CCNL1: variants seen among roughly 807,000 people sequenced by gnomAD.
The protein encoded by CCNL1 is cyclin L1.
CCNL1 carries 13 observed loss-of-function variants against 60.6 expected under a neutral mutation model. The observed-to-expected ratio is 0.21, with a 90% CI of 0.14 to 0.34. The LOEUF is 0.34. Among genes scored for constraint, CCNL1 ranks in the 10% least tolerant of loss-of-function variants. The pLI is 1.00. For synonymous variants in CCNL1, 270 were observed against 244.3 expected (o/e 1.10, Z -0.98); for missense variants, 481 against 664.3 (o/e 0.72, Z 3.03).
At chr3:157,145,164 C>T (rs768024737), downstream of CCNL1, among the ~76,000 whole-genome samples, 9 of 152,142 alleles carry the variant, frequency 5.9e-5, no homozygotes, top group South Asian at 4.1e-4. Flanking sequence ...TTGCCGGGCG[C>T]GGTGGCTCAT....
intron 8 of CCNL1, 51 bp downstream of exon 8, chr3:157,149,783 TAA>T: frequency 6.3e-7 from 1 of 1,585,048 alleles, no homozygotes; most frequent in South Asian, 1.2e-5. Context: ...AGCTCTCTAA[TAA>T]AGACACACTT....
At position 157,152,899 on chromosome 3, in the gene CCNL1, G is replaced by T. The variant is rs551377721; in HGVS notation, c.609+137C>A. The stretch of plus-strand genomic sequence containing the variant: ...CTCAACATCCAAAAGAATGTTTTTC[G>T]ATGAAGCCTGAACCTTTAAAAGAAT... On this transcript the variant is annotated intron_variant, in intron 4 of 10. Transcript: ENST00000295926. 22 of 1,425,746 alleles carry T rather than the reference G, an allele frequency of 1.5e-5. No homozygotes were observed. In the Admixed American group the frequency reaches 5.3e-4, roughly 35 times the overall value. 88.3% of individuals were successfully genotyped at this position (1,425,746 alleles called of 1,614,324 possible).
At chr3:157,144,179 C>T (rs1737717511), downstream of CCNL1, among the ~76,000 whole-genome samples, 1 of 152,142 alleles carries the variant, frequency 6.6e-6, no homozygotes, top group Non-Finnish European at 1.5e-5. Flanking sequence ...AGCAGTTTTG[C>T]ATGCCTTAAT....
rs548396334 is a variant in CCNL1 at position 157,148,658 on chromosome 3, A to G, written c.1233-69T>C. On this transcript the variant is annotated intron_variant, in intron 10 of 10. Transcript: ENST00000295926. The stretch of plus-strand genomic sequence containing the variant: ...GAACAGATTATTCCGGTGGTTGCTC[A>G]TAACAGGTTCAAAACAAAACTACCA... 1.1e-5 allele frequency: 16 copies of G among 1,404,154 alleles called. No homozygotes were observed. In the African/African-American group the frequency reaches 1.6e-4, roughly 14 times the overall value. 87.0% of individuals were successfully genotyped at this position (1,404,154 alleles called of 1,614,324 possible).
chr3:157,150,515 A>AT lies in CCNL1; in HGVS notation c.675-135dup, dbSNP rs1413534552. The AT allele has an allele frequency of 5.7e-6, 8 of 1,412,748 alleles. No individual in the cohort carries two copies. The East Asian group carries it at 2.0e-4, about 36-fold the overall frequency. The allele number at this position is 1,412,748 out of a possible 1,614,324, so 87.5% of individuals were successfully genotyped here. ...TATTCACATCCTCATATTCTAGCAT[A>AT]TAACAACTCTTAACTCAAAAAAATC... On this transcript the variant is annotated intron_variant, in intron 5 of 10. Coordinates refer to ENST00000295926, the MANE Select transcript of CCNL1 (RefSeq NM_020307.4).
downstream of CCNL1, among the ~76,000 whole-genome samples, chr3:157,145,240 C>A (rs368872891): frequency 5.3e-5 from 8 of 151,910 alleles, no homozygotes; most frequent in African/African-American, 1.9e-4. Context: ...TCGAGGCCAT[C>A]CTGGCTAACA....
In CCNL1 at chr3:157,149,970, T is replaced by C. The variant is rs1738047208; in HGVS notation, c.887A>G (p.Tyr296Cys). 3.7e-6 allele frequency: 6 copies of C among 1,604,612 alleles called. No homozygotes were observed. The highest frequency in any genetic ancestry group is 5.1e-6 in the Non-Finnish European group (6 of 1,178,026). ...LRLYTRKKPNYELLEKEVEKR... is the reference protein window; with the variant it reads ...LRLYTRKKPNCELLEKEVEKR... Reference sequence around the variant, plus strand: ...TTCTACTTCTTTTTCCAGTAATTCATAGTTTGGCTGTTGGAGGAAAAAAAA... The same window carrying C: ...TTCTACTTCTTTTTCCAGTAATTCACAGTTTGGCTGTTGGAGGAAAAAAAA... Residue 296 changes from tyrosine (Y) to cysteine (C), a missense_variant, in exon 8 of 11, where the codon TAT (tyrosine) becomes TGT (cysteine). By Grantham distance (194) the Tyr-to-Cys change is radical (BLOSUM62 -2). Transcript: ENST00000295926.
At position 157,159,299 on chromosome 3, in the gene CCNL1, C is replaced by G. The variant is rs201786446; in HGVS notation, c.378+106G>C. On this transcript the variant is annotated intron_variant, in intron 2 of 10. Transcript: ENST00000295926. Reference sequence around the variant, plus strand: ...GCGAGTGAGAAGTAGGTACAAAGGCCTAAACTAAACCACTCCCTTTCTGGA... The same window carrying G: ...GCGAGTGAGAAGTAGGTACAAAGGCGTAAACTAAACCACTCCCTTTCTGGA... 3.8e-4 allele frequency: 395 copies of G among 1,052,928 alleles called. 1 individual carries two copies. The East Asian group carries it at 9.1e-3, about 24-fold the overall frequency. The allele number at this position is 1,052,928 out of a possible 1,614,324, so 65.2% of individuals were successfully genotyped here. A position where few individuals can be genotyped will look rare whatever the true frequency, so the allele number is the denominator to read the frequency against.
At chr3:157,159,596 GAACAGC>G in intron 1 of CCNL1, 117 bp from the exon 2 acceptor site, 1 of 1,087,136 alleles carries the variant, frequency 9.2e-7, no homozygotes, top group African/African-American at 1.6e-5. Context: ...CCGCCGCTGC[GAACAGC>G]CCGCTGCCAA....
Position 157,148,465 on chromosome 3 carries a change from T to C in CCNL1, c.1357A>G (p.Thr453Ala). Reference sequence around the variant, plus strand: ...TTTGAACTTTTTAAATCATCTCTGGTATGCTTGGCCTTAAGGTGAGGAGAA... The same window carrying C: ...TTTGAACTTTTTAAATCATCTCTGGCATGCTTGGCCTTAAGGTGAGGAGAA... ...HGSPHLKAKH[T>A]RDDLKSSNRH... is the part of the protein sequence containing the mutation. Residue 453 changes from threonine (T) to alanine (A), a missense_variant, in exon 11 of 11, where the codon ACC becomes GCC. Physicochemically the swap from Thr to Ala is moderately conservative, Grantham distance 58 (BLOSUM62 0). This residue lies in a region of CCNL1 where 197 missense variants were observed against 233.9 expected (regional missense o/e 0.84). Coordinates refer to ENST00000295926, the MANE Select transcript of CCNL1 (RefSeq NM_020307.4). 2 of 1,614,224 alleles carry C rather than the reference T, an allele frequency of 1.2e-6. No homozygotes were observed. The highest frequency in any genetic ancestry group is 1.7e-6 in the Non-Finnish European group (2 of 1,180,038).
At chr3:157,145,437 C>CAAAAAAAAAAAAAAAA (rs56894231), downstream of CCNL1, among the ~76,000 whole-genome samples, 249 of 24,252 alleles carry the variant, frequency 0.01, 21 homozygotes, top group Non-Finnish European at 0.014. Flanking sequence ...GACTTCATCT[C>CAAAAAAAAAAAAAAAA]AAAAAAAAAA....
chr3:157,154,933 T>TATACATACATACATACATACATAC (rs369407739), intron 3 of CCNL1, among the ~76,000 whole-genome samples: 4 of 147,886 alleles, frequency 2.7e-5, no homozygotes, highest in South Asian at 2.1e-4. Flanking sequence ...TCTCCATATA[T>TATACATACATACATACATACATAC]ATACATACAT....
chr3:157,156,237 T>C (rs183041831), intron 3 of CCNL1, among the ~76,000 whole-genome samples: 73 of 152,306 alleles, frequency 4.8e-4, no homozygotes, highest in Middle Eastern at 3.4e-3. Context: ...TACTTAAAAG[T>C]AGAAACATCC....
chr3:157,153,377 T>C (rs1324627052), intron 3 of CCNL1: 13 of 413,200 alleles, frequency 3.1e-5, no homozygotes, highest in Admixed American at 8.1e-5. Flanking sequence ...AATTCTGTAA[T>C]GAAAAAAATT....
Position 157,149,468 on chromosome 3 carries a change from A to G in CCNL1, c.1133+17T>C. ...AAAAGATTCCTCAAGCCAGTTTTCC[A>G]GCCCAAGTATACTCACCCATTGTAA... On this transcript the variant is annotated intron_variant, in intron 9 of 10. Coordinates refer to ENST00000295926, the MANE Select transcript of CCNL1 (RefSeq NM_020307.4). 6.2e-7 allele frequency: 1 copy of G among 1,611,742 alleles called. No homozygotes were observed. The highest frequency in any genetic ancestry group is 8.5e-7 in the Non-Finnish European group (1 of 1,177,866).
chr3:157,153,374 T>C (rs538561926), intron 3 of CCNL1: 2 of 418,788 alleles, frequency 4.8e-6, no homozygotes, highest in African/African-American at 4.0e-5. Flanking sequence ...AACAATTCTG[T>C]AATGAAAAAA....
chr3:157,152,588 T>TG, intron 4 of CCNL1: 1 of 1,076,606 alleles, frequency 9.3e-7, no homozygotes, highest in African/African-American at 1.7e-5. Context: ...ACTCACTCTA[T>TG]GGCTTATATT....
At chr3:157,154,205 C>T (rs143604995) in intron 3 of CCNL1, 2 of 152,292 alleles carry the variant, frequency 1.3e-5, no homozygotes, top group African/African-American at 2.4e-5. Flanking sequence ...TTATGTCATA[C>T]AATTCAAAAC....
At chr3:157,151,364 A>G in intron 5 of CCNL1, 5 of 985,890 alleles carry the variant, frequency 5.1e-6, no homozygotes, top group Non-Finnish European at 6.0e-6. Context: ...TGACCTTTAA[A>G]TAAGCCAGCA....
Sources: allele counts gnomAD v4.1 joint callset (sites outside exome capture counted in the v4.1 genomes callset), GRCh38; gene constraint gnomAD v4.1.1; regional missense constraint gnomAD v4.1.1; transcripts MANE v1.5; gene names NCBI Gene and HGNC (gene_info 2026-07-23, HGNC 2026-07-21).